HSPA9: variants seen among roughly 807,000 people sequenced by gnomAD.
The protein encoded by HSPA9 is stress-70 protein, mitochondrial.
HSPA9 carries 28 observed loss-of-function variants against 81.5 expected under a neutral mutation model. The ratio of observed to expected loss-of-function variants is 0.34; its 90% CI spans 0.25 to 0.47. The LOEUF is 0.47. HSPA9 is among the 20% of genes least tolerant of loss of function. The probability of loss-of-function intolerance (pLI) is 1.00; values close to 1 mark genes in which losing one functional copy is unlikely to be tolerated. For missense variants in HSPA9, 678 were observed against 838.0 expected (o/e 0.81, Z 2.36); for synonymous variants, 293 against 290.4 (o/e 1.01, Z -0.09).
At chr5:138,569,091 A>AACTTACCATGACAAAATTACC in intron 4 of HSPA9, 42 bp from the exon 5 acceptor site, 1 of 1,602,078 alleles carries the variant, frequency 6.2e-7, no homozygotes, top group Middle Eastern at 1.7e-4. Context: ...CTACCTGAAC[A>AACTTACCATGACAAAATTACC]ACTTACCATG....
intron 1 of HSPA9, 147 bp downstream of exon 1, chr5:138,575,091 G>A (rs1224232867): frequency 6.3e-6 from 4 of 638,454 alleles, no homozygotes; most frequent in East Asian, 5.5e-5. Context: ...ACCCGGCAGC[G>A]CTAACTATGG....
chr5:138,571,978 A>C (rs1261887640), intron 3 of HSPA9, among the ~76,000 whole-genome samples: 1 of 3,974 alleles, frequency 2.5e-4, no homozygotes, highest in African/African-American at 7.7e-4. Flanking sequence ...TTTTTTTTTG[A>C]GACAGAGTCT....
At chr5:138,557,318 T>C (rs1437947155) in intron 14 of HSPA9, 84 bp downstream of exon 14, 1 of 913,192 alleles carries the variant, frequency 1.1e-6, no homozygotes, top group Non-Finnish European at 1.8e-6. Context: ...ATTACAGGAG[T>C]GAGACACTGC....
intron 8 of HSPA9, 90 bp downstream of exon 8, chr5:138,566,911 A>G: frequency 2.9e-6 from 4 of 1,375,772 alleles, no homozygotes; most frequent in Non-Finnish European, 4.2e-6. Flanking sequence ...AAGGGGGTTG[A>G]ACTGAACTCG....
rs772453823 is a variant in HSPA9 at position 138,575,373 on chromosome 5, C to T, written c.-55G>A. On this transcript the variant is annotated 5_prime_UTR_variant, in exon 1 of 17. Transcript: ENST00000297185. Reference sequence around the variant, plus strand: ...AAACAAGCGCTCCGACGGCAAAGAGCTGCGCGATGCGGTGGCGGCAGCGCT... The same window carrying T: ...AAACAAGCGCTCCGACGGCAAAGAGTTGCGCGATGCGGTGGCGGCAGCGCT... The T allele has an allele frequency of 7.0e-7, 1 of 1,438,354 alleles. No homozygotes were observed. 89.1% of individuals were successfully genotyped at this position (1,438,354 alleles called of 1,614,324 possible). A position where few individuals can be genotyped will look rare whatever the true frequency, so the allele number is the denominator to read the frequency against.
intron 3 of HSPA9, among the ~76,000 whole-genome samples, chr5:138,571,762 C>T (rs1750899233): frequency 1.3e-5 from 2 of 150,696 alleles, no homozygotes; most frequent in African/African-American, 2.4e-5. Context: ...CCTACTTCAG[C>T]CTCCTGAGTA....
At chr5:138,560,508 G>T (rs1430349358) in intron 10 of HSPA9, among the ~76,000 whole-genome samples, 2 of 151,556 alleles carry the variant, frequency 1.3e-5, no homozygotes, top group East Asian at 3.9e-4. Context: ...GTCTTCCCTT[G>T]TGTTTATTAG....
chr5:138,575,195 G>A (rs1157592269), intron 1 of HSPA9, 43 bp downstream of exon 1: 5 of 1,403,904 alleles, frequency 3.6e-6, no homozygotes, highest in African/African-American at 1.4e-5. Context: ...GAGGCCCAAG[G>A]CCCGAGGCCG....
chr5:138,563,189 T>C (rs1750694983), intron 9 of HSPA9, among the ~76,000 whole-genome samples: 1 of 152,200 alleles, frequency 6.6e-6, no homozygotes, highest in African/African-American at 2.4e-5. Flanking sequence ...CCAGTAGAAT[T>C]TTCTGTGACA....
chr5:138,560,066 A>T lies in HSPA9; in HGVS notation c.1208T>A (p.Phe403Tyr), dbSNP rs1284836614. The change falls in exon 11 of 17, where the codon TTT (phenylalanine) becomes TAT (tyrosine). Residue 403 changes from phenylalanine (F) to tyrosine (Y), a missense_variant. This residue lies in a region of HSPA9 where 484 missense variants were observed against 647.5 expected (regional missense o/e 0.75). Coordinates refer to ENST00000297185, the MANE Select transcript of HSPA9 (RefSeq NM_004134.7). ...GACAGCTTTACTTGGGGCTCTGCCA[A>T]AAAGATCCTGTACAGTCTGCTGAAC... ...PKVQQTVQDL[F>Y]GRAPSKAVNP... The T allele has an allele frequency of 1.2e-6, 2 of 1,614,040 alleles. No homozygotes were observed. Among genetic ancestry groups the T allele is most frequent in the Non-Finnish European group, 1.7e-6 (2 of 1,180,030 alleles).
rs941029247 is a variant in HSPA9, at chr5:138,554,728, C to G, written c.*1309G>C. 1.3e-5 allele frequency among the ~76,000 whole-genome samples: 2 copies of G among 152,118 alleles called. No homozygotes were observed. The highest frequency in any genetic ancestry group is 1.3e-4 in the Admixed American group (2 of 15,278). ...TGGCATATGACATTCATCCATGAAA[C>G]ATAAGGGAAATGTGCTGGAAGACTT... On this transcript the variant is annotated 3_prime_UTR_variant, in exon 17 of 17. Transcript: ENST00000297185.
At position 138,569,053 on chromosome 5, in the gene HSPA9, T is replaced by C; in HGVS notation, c.411-4A>G. Reference sequence around the variant, plus strand: ...AATTTTAAAGGGAACATTTTTACTGTAAGACACAAAAATTCTATTAGAGAA... The same window carrying C: ...AATTTTAAAGGGAACATTTTTACTGCAAGACACAAAAATTCTATTAGAGAA... On this transcript the variant is annotated splice_region_variant and splice_polypyrimidine_tract_variant and intron_variant, in intron 4 of 16. Coordinates refer to ENST00000297185, the MANE Select transcript of HSPA9 (RefSeq NM_004134.7). 6.2e-7 allele frequency: 1 copy of C among 1,613,358 alleles called. No individual in the cohort carries two copies. Among genetic ancestry groups the C allele is most frequent in the South Asian group, 1.1e-5 (1 of 91,074 alleles).
Position 138,574,122 on chromosome 5 carries a change from C to G in HSPA9, c.86G>C (p.Ser29Thr). Residue 29 changes from serine (S) to threonine (T), a missense_variant, in exon 2 of 17, where the codon AGC becomes ACC. Around this residue, in one of 4 missense-constraint regions of HSPA9, gnomAD observed 89 missense variants for 70.4 expected, o/e 1.27. Transcript: ENST00000297185. ...AGCCTCATGACTAAGGCCATTCCAG[C>G]TATCCTAAAAAAGAAAAAACTGACT... ...RGPTAARHQD[S>T]WNGLSHEAFR... is the part of the protein sequence containing the mutation. 6.2e-7 allele frequency: 1 copy of G among 1,613,560 alleles called. No homozygotes were observed. Among genetic ancestry groups the G allele is most frequent in the Non-Finnish European group, 8.5e-7 (1 of 1,179,552 alleles).
At chr5:138,558,510 T>C in intron 12 of HSPA9, 43 bp downstream of exon 12, 1 of 1,207,588 alleles carries the variant, frequency 8.3e-7, no homozygotes, top group Non-Finnish European at 1.2e-6. Context: ...TATCTCACTT[T>C]ACAGTGAAGG....
intron 16 of HSPA9, 98 bp from the exon 17 acceptor site, chr5:138,556,212 A>C (rs942016534): frequency 2.7e-6 from 3 of 1,096,334 alleles, no homozygotes; most frequent in African/African-American, 3.1e-5. Context: ...ATATGTCCTC[A>C]TCATTCATTT....
chr5:138,556,553 G>A lies in HSPA9; in HGVS notation c.1861C>T (p.Leu621Phe). The A allele has an allele frequency of 6.2e-7, 1 of 1,613,960 alleles. No individual in the cohort carries two copies. The highest frequency in any genetic ancestry group is 8.5e-7 in the Non-Finnish European group (1 of 1,179,966). The part of the protein sequence containing the change: ...LKEEISKMRE[L>F]LARKDSETGE... ...GTTTCGCTGTCTTTTCTAGCCAGGA[G>A]CTCCCTCATTTTGGAAATCTCTTCT... The change falls in exon 16 of 17, where the codon CTC (leucine) becomes TTC (phenylalanine). Residue 621 changes from leucine (L) to phenylalanine (F), a missense_variant. Transcript: ENST00000297185.
chr5:138,566,902 A>C (rs1199777482), intron 8 of HSPA9, 99 bp downstream of exon 8: 1 of 1,290,990 alleles, frequency 7.7e-7, no homozygotes, highest in African/African-American at 1.5e-5. Flanking sequence ...GTCTAGAATA[A>C]GGGGGTTGAA....
intron 9 of HSPA9, among the ~76,000 whole-genome samples, chr5:138,565,416 G>C (rs1335057080): frequency 6.6e-6 from 1 of 152,094 alleles, no homozygotes; most frequent in Non-Finnish European, 1.5e-5. Flanking sequence ...TTCATTAGCA[G>C]CAACCACAGT....
chr5:138,554,498 G>A lies in HSPA9; in HGVS notation c.*1539C>T, dbSNP rs1266788999. Among the ~76,000 whole-genome samples, 3 of 152,190 alleles carry A rather than the reference G, an allele frequency of 2.0e-5. No individual in the cohort carries two copies. Among genetic ancestry groups the A allele is most frequent in the Non-Finnish European group, 2.9e-5 (2 of 68,038 alleles). ...GCCTAGAATTTTTCACGAATCCCAAGAATCTTTTACATGGGTGTTAACAAG... is the reference window on the plus strand; with the variant it reads ...GCCTAGAATTTTTCACGAATCCCAAAAATCTTTTACATGGGTGTTAACAAG... On this transcript the variant is annotated 3_prime_UTR_variant, in exon 17 of 17. Coordinates refer to ENST00000297185, the MANE Select transcript of HSPA9 (RefSeq NM_004134.7).
Sources: allele counts gnomAD v4.1 joint callset (sites outside exome capture counted in the v4.1 genomes callset), GRCh38; gene constraint gnomAD v4.1.1; regional missense constraint gnomAD v4.1.1; transcripts MANE v1.5; gene names NCBI Gene and HGNC (gene_info 2026-07-23, HGNC 2026-07-21).